The following FAM168A variants were observed in gnomAD, a reference collection of about 807,000 sequenced individuals.
FAM168A encodes the protein protein FAM168A.
FAM168A carries 3 observed loss-of-function variants against 28.5 expected under a neutral mutation model. The ratio of observed to expected loss-of-function variants is 0.11; its 90% CI spans 0.05 to 0.27. The LOEUF is 0.27. Ranked by LOEUF, FAM168A falls within the 10% of genes least tolerant of loss-of-function variation. FAM168A has a pLI of 1.00. For missense variants in FAM168A, 222 were observed against 311.5 expected, an observed-to-expected ratio of 0.71 and a Z score of 2.16; for synonymous variants, 122 against 124.2, an observed-to-expected ratio of 0.98 and a Z score of 0.12.
chr11:73,409,382 A>C, intron 6 of FAM168A, 105 bp downstream of exon 6: 4 of 1,438,682 alleles, frequency 2.8e-6, no homozygotes, highest in Non-Finnish European at 3.8e-6. Flanking sequence ...CCCCTGGCAC[A>C]GGATCTCTTG....
At chr11:73,569,805 T>TA in intron 1 of FAM168A, among the ~76,000 whole-genome samples, 1 of 148,040 alleles carries the variant, frequency 6.8e-6, no homozygotes, top group Non-Finnish European at 1.5e-5. Flanking sequence ...GCCTGGGCAA[T>TA]AGAGTGAGAC....
chr11:73,441,669 T>A (rs78163966), intron 2 of FAM168A, among the ~76,000 whole-genome samples: 6 of 152,142 alleles, frequency 3.9e-5, no homozygotes, highest in African/African-American at 1.2e-4. Flanking sequence ...TTGCGGAAAG[T>A]TTTTTGATTA....
Position 73,469,317 on chromosome 11 carries a change from C to T in FAM168A, c.-18-825G>A, listed in dbSNP as rs112174590. On this transcript the variant is annotated intron_variant, in intron 1 of 7. Coordinates refer to ENST00000356467, the MANE Select transcript of FAM168A (RefSeq NM_015159.3). Reference sequence around the variant, plus strand: ...CCTTTCCTTACTATATAGCCTGACACATTTGAAAATGTGTCTCCAAATATA... The same window carrying T: ...CCTTTCCTTACTATATAGCCTGACATATTTGAAAATGTGTCTCCAAATATA... 1.7e-4 allele frequency among the ~76,000 whole-genome samples: 26 copies of T among 152,296 alleles called. 1 individual carries two copies. The highest frequency in any genetic ancestry group is 6.0e-4 in the African/African-American group (25 of 41,550).
chr11:73,461,269 A>G (rs1867642366), intron 2 of FAM168A, among the ~76,000 whole-genome samples: 1 of 152,098 alleles, frequency 6.6e-6, no homozygotes, highest in Non-Finnish European at 1.5e-5. Context: ...GGCAGGTGCC[A>G]CCACACCCAG....
At chr11:73,561,757 T>A (rs1213187649) in intron 1 of FAM168A, among the ~76,000 whole-genome samples, 1 of 152,180 alleles carries the variant, frequency 6.6e-6, no homozygotes, top group Admixed American at 6.5e-5. Context: ...GCCTCCCTTC[T>A]TTTACTGAAA....
chr11:73,556,988 C>G (rs1474203348), intron 1 of FAM168A, among the ~76,000 whole-genome samples: 4 of 151,570 alleles, frequency 2.6e-5, no homozygotes, highest in African/African-American at 9.7e-5. Context: ...AAGATCACAC[C>G]ACTGCACTCC....
intron 1 of FAM168A, among the ~76,000 whole-genome samples, chr11:73,589,729 C>G (rs1201075823): frequency 6.6e-6 from 1 of 152,132 alleles, no homozygotes; most frequent in African/African-American, 2.4e-5. Context: ...GAGTTCAAGA[C>G]CAGCCTGGGC....
intron 2 of FAM168A, among the ~76,000 whole-genome samples, chr11:73,453,786 A>G (rs1329562714): frequency 6.6e-6 from 1 of 152,238 alleles, no homozygotes; most frequent in Non-Finnish European, 1.5e-5. Context: ...CATTCCAATG[A>G]GAATCTATGC....
chr11:73,494,937 A>G (rs11235778), intron 1 of FAM168A, among the ~76,000 whole-genome samples: 7,205 of 151,796 alleles, frequency 0.047, 538 homozygotes, highest in African/African-American at 0.16. Flanking sequence ...CAGGAGGCAG[A>G]GGCTGCAGCA....
At chr11:73,439,117 A>G (rs922415850) in intron 2 of FAM168A, among the ~76,000 whole-genome samples, 7 of 152,186 alleles carry the variant, frequency 4.6e-5, no homozygotes, top group African/African-American at 1.7e-4. Flanking sequence ...CCAAGCAGGC[A>G]GCAGTTCTGT....
chr11:73,513,849 T>C (rs1855276266), intron 1 of FAM168A, among the ~76,000 whole-genome samples: 1 of 152,178 alleles, frequency 6.6e-6, no homozygotes. Flanking sequence ...ATTTTGGCTA[T>C]GTTATTTGAA....
intron 1 of FAM168A, among the ~76,000 whole-genome samples, chr11:73,496,381 T>C (rs894462200): frequency 3.9e-5 from 6 of 152,222 alleles, no homozygotes; most frequent in East Asian, 1.9e-4. Flanking sequence ...GCTTTGACCA[T>C]ACTTTCAATG....
At chr11:73,551,917 G>C (rs1943834243) in intron 1 of FAM168A, among the ~76,000 whole-genome samples, 1 of 152,206 alleles carries the variant, frequency 6.6e-6, no homozygotes, top group South Asian at 2.1e-4. Context: ...CAGTACTTAG[G>C]AAGTACTTAA....
intron 2 of FAM168A, among the ~76,000 whole-genome samples, chr11:73,454,216 T>C (rs909454114): frequency 1.3e-4 from 19 of 151,994 alleles, no homozygotes; most frequent in African/African-American, 4.1e-4. Context: ...GCAAAAGAAA[T>C]AGACTAAGGG....
At chr11:73,487,699 G>A (rs78031303) in intron 1 of FAM168A, among the ~76,000 whole-genome samples, 4 of 151,778 alleles carry the variant, frequency 2.6e-5, no homozygotes, top group Non-Finnish European at 5.9e-5. Flanking sequence ...ATCCTTGACC[G>A]TGTTATTACT....
intron 2 of FAM168A, among the ~76,000 whole-genome samples, chr11:73,437,101 CTT>C (rs540297714): frequency 0.063 from 9,201 of 145,982 alleles, 833 homozygotes; most frequent in African/African-American, 0.2. Context: ...TGCCAGCATA[CTT>C]TTTTTTTTTT....
chr11:73,424,743 T>C (rs967147116), intron 3 of FAM168A, among the ~76,000 whole-genome samples: 4 of 152,198 alleles, frequency 2.6e-5, no homozygotes, highest in Admixed American at 6.5e-5. Flanking sequence ...TTTATTCATT[T>C]GTTTGTTTGA....
chr11:73,541,168 G>A (rs999001836), intron 1 of FAM168A, among the ~76,000 whole-genome samples: 2 of 151,776 alleles, frequency 1.3e-5, no homozygotes, highest in Admixed American at 6.6e-5. Context: ...ATGCATTACC[G>A]CACTCCAGCC....
intron 2 of FAM168A, among the ~76,000 whole-genome samples, chr11:73,460,499 CTTT>C (rs547956382): frequency 1.2e-4 from 14 of 112,806 alleles, no homozygotes; most frequent in African/African-American, 3.8e-4. Context: ...GCTACTAATG[CTTT>C]TTTTTTTTTT....
Sources: gnomAD v4.1 joint callset for allele counts (sites outside exome capture counted in the v4.1 genomes callset) on GRCh38, gnomAD v4.1.1 for gene constraint, MANE v1.5 for transcripts, NCBI Gene and HGNC (gene_info 2026-07-23, HGNC 2026-07-21) for gene names.